SV2C: variants seen among roughly 807,000 people sequenced by gnomAD.
SV2C encodes synaptic vesicle glycoprotein 2C.
SV2C carries 49 observed loss-of-function variants against 79.7 expected under a neutral mutation model. The observed-to-expected ratio is 0.61, with a 90% CI of 0.49 to 0.78. SV2C has a LOEUF of 0.78. Ranked by LOEUF, SV2C falls within the 30% of genes least tolerant of loss-of-function variation. The pLI is 0.00. For missense variants in SV2C, 833 were observed against 912.9 expected (o/e 0.91, Z 1.13); for synonymous variants, 334 against 333.2 (o/e 1.00, Z -0.03).
chr5:76,061,872 T>C, the SV2C span, among the ~76,000 whole-genome samples: 4 of 152,092 alleles, frequency 2.6e-5, no homozygotes, highest in Admixed American at 2.6e-4. Context: ...CAAAAATGGA[T>C]CAAGTAATCA....
the SV2C span, among the ~76,000 whole-genome samples, chr5:76,031,172 C>T: frequency 6.6e-6 from 1 of 152,198 alleles, no homozygotes; most frequent in Non-Finnish European, 1.5e-5. Context: ...TCAGACTCTC[C>T]CACAACTTCC....
Position 76,303,842 on chromosome 5 carries a change from T to TG in SV2C, c.2000+2298dup, listed in dbSNP as rs574629479. 1.9e-4 allele frequency among the ~76,000 whole-genome samples: 29 copies of TG among 152,304 alleles called. No homozygotes were observed. The South Asian group carries it at 6.0e-3, about 32-fold the overall frequency. Reference sequence around the variant, plus strand: ...CAAAAATGTTATTAGAGGAAATGACTGTGAGAGAAGATGGAGAGGGAGTGA... The same window carrying TG: ...CAAAAATGTTATTAGAGGAAATGACTGGTGAGAGAAGATGGAGAGGGAGTGA... On this transcript the variant is annotated intron_variant, in intron 12 of 12. Transcript: ENST00000502798.
chr5:76,088,026 TG>T (rs1175763648), intron 1 of SV2C, among the ~76,000 whole-genome samples: 1 of 152,182 alleles, frequency 6.6e-6, no homozygotes, highest in East Asian at 1.9e-4. Context: ...GAGCCCTAGG[TG>T]GTCTGGCCTC....
At chr5:75,989,165 A>G in the SV2C span, among the ~76,000 whole-genome samples, 1 of 151,746 alleles carries the variant, frequency 6.6e-6, no homozygotes, top group African/African-American at 2.4e-5. Context: ...TTTTAAGTTC[A>G]TGGGTACACG....
intron 3 of SV2C, among the ~76,000 whole-genome samples, chr5:76,198,742 G>T (rs987872132): frequency 2.0e-5 from 3 of 152,142 alleles, no homozygotes; most frequent in African/African-American, 7.2e-5. Context: ...ACAGTCTAGA[G>T]TTTATCTGGG....
chr5:76,256,376 A>G (rs978345455), intron 4 of SV2C, among the ~76,000 whole-genome samples: 7 of 152,054 alleles, frequency 4.6e-5, no homozygotes, highest in African/African-American at 1.7e-4. Context: ...TGGAACATCC[A>G]CTCACGCATG....
chr5:76,269,754 G>A (rs1041181556), intron 4 of SV2C, among the ~76,000 whole-genome samples: 4 of 152,204 alleles, frequency 2.6e-5, no homozygotes, highest in Non-Finnish European at 5.9e-5. Flanking sequence ...CTATGCTCGA[G>A]CACTTTGTCA....
At chr5:76,240,351 C>T (rs1353557570) in intron 4 of SV2C, among the ~76,000 whole-genome samples, 1 of 152,204 alleles carries the variant, frequency 6.6e-6, no homozygotes, top group African/African-American at 2.4e-5. Context: ...GCTGTGTAAA[C>T]AGTAGTGTGT....
In SV2C at chr5:76,217,432, G is replaced by A. The variant is rs1744935225; in HGVS notation, c.913+7545G>A. On this transcript the variant is annotated intron_variant, in intron 4 of 12. Transcript: ENST00000502798. ...TGTTCACAAGAAGGAATGCACTGTGGCCAAGGGAAAGAGGTATAAAGTGAG... is the reference window on the plus strand; with the variant it reads ...TGTTCACAAGAAGGAATGCACTGTGACCAAGGGAAAGAGGTATAAAGTGAG... Among the ~76,000 whole-genome samples the A allele has an allele frequency of 6.6e-5, 10 of 152,282 alleles. No homozygotes were observed. The South Asian group carries it at 2.1e-3, about 32-fold the overall frequency.
the SV2C span, among the ~76,000 whole-genome samples, chr5:75,901,283 T>A: frequency 6.6e-6 from 1 of 152,232 alleles, no homozygotes; most frequent in African/African-American, 2.4e-5. Context: ...TCCTTTCTAT[T>A]TGTTAGTTTT....
downstream of SV2C, among the ~76,000 whole-genome samples, chr5:76,334,611 T>C (rs905302521): frequency 9.2e-5 from 14 of 152,182 alleles, no homozygotes; most frequent in African/African-American, 3.1e-4. Context: ...AGATGGTGGC[T>C]GCAACTCTAA....
chr5:76,312,804 T>A (rs1748497046), intron 12 of SV2C, among the ~76,000 whole-genome samples: 1 of 152,214 alleles, frequency 6.6e-6, no homozygotes, highest in Non-Finnish European at 1.5e-5. Context: ...GATTTGAGGA[T>A]CTGATTGTTC....
At chr5:75,886,205 G>A in the SV2C span, among the ~76,000 whole-genome samples, 1 of 152,150 alleles carries the variant, frequency 6.6e-6, no homozygotes, top group Non-Finnish European at 1.5e-5. Context: ...TCATTCCTAT[G>A]AGTACAGATA....
At chr5:76,052,228 T>TA in the SV2C span, among the ~76,000 whole-genome samples, 427 of 152,318 alleles carry the variant, frequency 2.8e-3, 4 homozygotes, top group East Asian at 0.014. Flanking sequence ...TCTAAAACAT[T>TA]AGAGTTTCAG....
At chr5:76,005,251 A>C in the SV2C span, among the ~76,000 whole-genome samples, 1 of 152,228 alleles carries the variant, frequency 6.6e-6, no homozygotes, top group East Asian at 1.9e-4. Context: ...TATGGTTCAC[A>C]TAAAAAGATA....
chr5:75,883,435 C>G, the SV2C span, among the ~76,000 whole-genome samples: 1 of 139,944 alleles, frequency 7.1e-6, no homozygotes, highest in East Asian at 2.0e-4. Flanking sequence ...AGACTTGGAA[C>G]CAACTCAAAT....
chr5:76,282,415 G>T (rs564375212), intron 4 of SV2C, among the ~76,000 whole-genome samples: 1 of 152,210 alleles, frequency 6.6e-6, no homozygotes, highest in Non-Finnish European at 1.5e-5. Context: ...AAGCTTTGGC[G>T]CAGTCTGGGA....
chr5:76,255,380 T>A (rs999512850), intron 4 of SV2C, among the ~76,000 whole-genome samples: 6 of 152,332 alleles, frequency 3.9e-5, no homozygotes, highest in African/African-American at 7.2e-5. Flanking sequence ...CTGGAGACCA[T>A]CTTCCCATGT....
chr5:75,948,800 G>A, the SV2C span, among the ~76,000 whole-genome samples: 1 of 151,988 alleles, frequency 6.6e-6, no homozygotes, highest in Admixed American at 6.6e-5. Flanking sequence ...GGTGGGCTGT[G>A]GGGAGATAGG....
Sources: gnomAD v4.1 joint callset for allele counts (sites outside exome capture counted in the v4.1 genomes callset) on GRCh38, gnomAD v4.1.1 for gene constraint, MANE v1.5 for transcripts, NCBI Gene and HGNC (gene_info 2026-07-23, HGNC 2026-07-21) for gene names.